Variants in NIPSNAP1 observed in about 807,000 individuals in gnomAD.
NIPSNAP1 encodes the protein nipsnap homolog 1.
NIPSNAP1 carries 25 observed loss-of-function variants against 49.2 expected under a neutral mutation model. The ratio of observed to expected loss-of-function variants is 0.51; its 90% CI spans 0.37 to 0.71. The LOEUF (loss-of-function observed/expected upper bound fraction) is 0.71, where lower values mean the gene tolerates loss of function less well. Ranked by LOEUF, NIPSNAP1 falls within the 30% of genes least tolerant of loss-of-function variation. The probability of loss-of-function intolerance (pLI) is 0.00; values close to 1 mark genes in which losing one functional copy is unlikely to be tolerated. For synonymous variants in NIPSNAP1, 143 were observed against 140.7 expected (o/e 1.02, Z -0.12); for missense variants, 294 against 361.0 (o/e 0.81, Z 1.50).
At chr22:29,563,795 G>A (rs966197492) in intron 4 of NIPSNAP1, among the ~76,000 whole-genome samples, 4 of 152,104 alleles carry the variant, frequency 2.6e-5, no homozygotes, top group African/African-American at 9.7e-5. Context: ...AGCATGTGAC[G>A]AGGGAGGCAG....
rs1389985524 is a variant in NIPSNAP1, at chr22:29,569,273, G to C, written c.287C>G (p.Pro96Arg). 1 of 1,613,910 alleles carries C rather than the reference G, an allele frequency of 6.2e-7. No individual in the cohort carries two copies. The highest frequency in any genetic ancestry group is 8.5e-7 in the Non-Finnish European group (1 of 1,179,908). The change falls in exon 4 of 10, where the codon CCC (proline) becomes CGC (arginine). Residue 96 changes from proline (P) to arginine (R), a missense_variant. Physicochemically the swap from Pro to Arg is moderately radical, Grantham distance 103. Coordinates refer to ENST00000216121, the MANE Select transcript of NIPSNAP1 (RefSeq NM_003634.4). ...AYNSLTEAVL[P>R]KLHLDEDYPC... is the part of the protein sequence containing the mutation. ...GTAGTCCTCATCCAGGTGAAGCTTG[G>C]GCAGCACAGCCTCCCTGTGGGGGAG...
chr22:29,570,898 T>A (rs936108773), intron 1 of NIPSNAP1, among the ~76,000 whole-genome samples: 2 of 152,050 alleles, frequency 1.3e-5, no homozygotes, highest in African/African-American at 4.8e-5. Flanking sequence ...CCACCTTGCA[T>A]CATGCCCAAA....
intron 9 of NIPSNAP1, among the ~76,000 whole-genome samples, chr22:29,557,769 C>T (rs1474346483): frequency 6.6e-6 from 1 of 152,164 alleles, no homozygotes; most frequent in Non-Finnish European, 1.5e-5. Flanking sequence ...CTAACTCCTT[C>T]AGCAGACACA....
At chr22:29,579,454 G>A (rs1333453710) in intron 1 of NIPSNAP1, among the ~76,000 whole-genome samples, 2 of 151,690 alleles carry the variant, frequency 1.3e-5, no homozygotes, top group Non-Finnish European at 1.5e-5. Flanking sequence ...CTGCCACCGC[G>A]CCCAGCTAAT....
intron 4 of NIPSNAP1, among the ~76,000 whole-genome samples, chr22:29,568,740 C>T (rs1021424311): frequency 3.3e-5 from 5 of 151,998 alleles, no homozygotes; most frequent in Non-Finnish European, 7.3e-5. Context: ...TGCAGTGAGC[C>T]GAGATTGCAC....
chr22:29,573,110 C>A (rs1046868839), intron 1 of NIPSNAP1, among the ~76,000 whole-genome samples: 3 of 152,108 alleles, frequency 2.0e-5, no homozygotes, highest in Non-Finnish European at 2.9e-5. Context: ...GATCTCCACT[C>A]ACTGCAACCT....
intron 1 of NIPSNAP1, among the ~76,000 whole-genome samples, chr22:29,571,075 C>G (rs1162182997): frequency 6.6e-6 from 1 of 152,118 alleles, no homozygotes; most frequent in Admixed American, 6.6e-5. Flanking sequence ...CCGTCCTCCC[C>G]AGCACTCTCA....
chr22:29,573,017 G>A (rs914851537), intron 1 of NIPSNAP1, among the ~76,000 whole-genome samples: 6 of 151,038 alleles, frequency 4.0e-5, no homozygotes, highest in African/African-American at 1.2e-4. Context: ...TCTTAAAGTG[G>A]TGATATGTTT....
intron 4 of NIPSNAP1, among the ~76,000 whole-genome samples, chr22:29,565,183 G>A (rs917348945): frequency 4.4e-4 from 67 of 150,562 alleles, no homozygotes; most frequent in African/African-American, 1.6e-3. Context: ...CAAACTGGGT[G>A]ACAGAGCGAG....
intron 9 of NIPSNAP1, among the ~76,000 whole-genome samples, chr22:29,556,881 C>T (rs1238430620): frequency 1.3e-5 from 2 of 152,034 alleles, no homozygotes; most frequent in Admixed American, 6.5e-5. Flanking sequence ...TCCCGAGTAG[C>T]TGGGATTACA....
intron 8 of NIPSNAP1, 72 bp downstream of exon 8, chr22:29,560,662 C>A: frequency 8.3e-7 from 1 of 1,199,686 alleles, no homozygotes; most frequent in South Asian, 1.2e-5. Context: ...ACTAATACAA[C>A]CCCATTGGCT....
chr22:29,577,616 C>T (rs1210989233), intron 1 of NIPSNAP1, among the ~76,000 whole-genome samples: 3 of 151,244 alleles, frequency 2.0e-5, no homozygotes, highest in African/African-American at 7.4e-5. Flanking sequence ...GACAGGGTTT[C>T]ACCACGTTGG....
chr22:29,575,710 G>T (rs80024696), intron 1 of NIPSNAP1, among the ~76,000 whole-genome samples: 15 of 146,662 alleles, frequency 1.0e-4, no homozygotes, highest in Admixed American at 4.1e-4. Context: ...CCCAGGAGTT[G>T]TTTTTTTTTT....
Position 29,561,211 on chromosome 22 carries a change from G to A in NIPSNAP1, c.580-9C>T, listed in dbSNP as rs772073593. 6.2e-7 allele frequency: 1 copy of A among 1,613,164 alleles called. No individual in the cohort carries two copies. The highest frequency in any genetic ancestry group is 8.5e-7 in the Non-Finnish European group (1 of 1,179,564). On this transcript the variant is annotated splice_polypyrimidine_tract_variant and intron_variant, in intron 6 of 9. Coordinates refer to ENST00000216121, the MANE Select transcript of NIPSNAP1 (RefSeq NM_003634.4). ...TCGATCATGGTTCCTGGCTGAAAGA[G>A]AACCAAAGGGATGATGGGAATGAGC...
chr22:29,580,307 G>A, intron 1 of NIPSNAP1: 1 of 979,982 alleles, frequency 1.0e-6, no homozygotes, highest in Non-Finnish European at 1.2e-6. Flanking sequence ...CAGTCAGGGA[G>A]GCCAAGCCCT....
intron 1 of NIPSNAP1, among the ~76,000 whole-genome samples, chr22:29,579,345 G>A (rs2064480104): frequency 6.9e-6 from 1 of 145,144 alleles, no homozygotes; most frequent in Non-Finnish European, 1.5e-5. Flanking sequence ...CGCCCAGGCT[G>A]GAGTGCAGTG....
At chr22:29,570,682 G>T in intron 1 of NIPSNAP1, 150 bp from the exon 2 acceptor site, 2 of 1,061,734 alleles carry the variant, frequency 1.9e-6, no homozygotes, top group Non-Finnish European at 2.7e-6. Flanking sequence ...ACTGTGAAAT[G>T]CTATTGGAGC....
intron 1 of NIPSNAP1, among the ~76,000 whole-genome samples, chr22:29,578,972 A>G (rs2064475811): frequency 1.3e-5 from 2 of 151,468 alleles, no homozygotes; most frequent in Middle Eastern, 3.4e-3. Flanking sequence ...TTGAGCCTCA[A>G]CATTATGTGG....
chr22:29,561,422 C>G, intron 6 of NIPSNAP1, 84 bp downstream of exon 6: 1 of 1,591,634 alleles, frequency 6.3e-7, no homozygotes, highest in African/African-American at 1.3e-5. Flanking sequence ...GCCAGAAGCC[C>G]CAGTCTAGGT....
Sources: gnomAD v4.1 joint callset for allele counts (sites outside exome capture counted in the v4.1 genomes callset) on GRCh38, gnomAD v4.1.1 for gene constraint, MANE v1.5 for transcripts, NCBI Gene and HGNC (gene_info 2026-07-23, HGNC 2026-07-21) for gene names.